HORMAD2: variants seen among roughly 807,000 people sequenced by gnomAD.
The protein encoded by HORMAD2 is HORMA domain-containing protein 2.
Under a neutral mutation model 38.8 loss-of-function variants are expected in HORMAD2, and 45 were observed. The observed-to-expected ratio is 1.16, with a 90% confidence interval of 0.91 to 1.49. The LOEUF (loss-of-function observed/expected upper bound fraction) is 1.49. Ranked by LOEUF, HORMAD2 falls within the 40% of genes most tolerant of loss-of-function variation. The pLI, the probability that HORMAD2 is intolerant of heterozygous loss-of-function variation, is 0.00. For synonymous variants in HORMAD2, 126 were observed against 122.8 expected, an observed-to-expected ratio of 1.03 and a Z score of -0.17; for missense variants, 338 against 367.0, an observed-to-expected ratio of 0.92 and a Z score of 0.65.
chr22:30,107,804 T>A (rs1186076977), intron 5 of HORMAD2, among the ~76,000 whole-genome samples: 2 of 151,938 alleles, frequency 1.3e-5, no homozygotes, highest in African/African-American at 4.8e-5. Flanking sequence ...CAGATTTGAG[T>A]ATCTAGAGAT....
intron 1 of HORMAD2, among the ~76,000 whole-genome samples, chr22:30,089,137 C>T (rs977643250): frequency 1.3e-5 from 2 of 152,110 alleles, no homozygotes; most frequent in African/African-American, 4.8e-5. Flanking sequence ...GCAGTGTTCG[C>T]AAATAATTCT....
Position 30,127,953 on chromosome 22 carries a change from C to A in HORMAD2, c.819+5739C>A, listed in dbSNP as rs11912304. Among the ~76,000 whole-genome samples, 417 of 152,226 alleles carry A rather than the reference C, an allele frequency of 2.7e-3. 7 individuals are homozygous for A. Among genetic ancestry groups the A allele is most frequent in the African/African-American group, 9.7e-3 (403 of 41,528 alleles). On this transcript the variant is annotated intron_variant, in intron 10 of 10. Transcript: ENST00000336726. ...GTATTTCTCAAATCTAGCGCTGTTA[C>A]CACTGTGCTGATTCAGGATGTCATC...
At chr22:30,148,430 A>T (rs1466994114) in intron 10 of HORMAD2, among the ~76,000 whole-genome samples, 1 of 152,098 alleles carries the variant, frequency 6.6e-6, no homozygotes, top group Non-Finnish European at 1.5e-5. Flanking sequence ...GGGTGATGAG[A>T]TGTTTTATAT....
At chr22:30,189,145 G>A in the HORMAD2 span, among the ~76,000 whole-genome samples, 1 of 151,992 alleles carries the variant, frequency 6.6e-6, no homozygotes, top group Non-Finnish European at 1.5e-5. Context: ...GAAAACTAAG[G>A]TCAAATCTCT....
chr22:30,185,138 G>A, the HORMAD2 span, among the ~76,000 whole-genome samples: 1 of 152,146 alleles, frequency 6.6e-6, no homozygotes, highest in Non-Finnish European at 1.5e-5. Flanking sequence ...TGATCCCTCT[G>A]CCTGGGCTCT....
At chr22:30,204,466 AG>A in the HORMAD2 span, among the ~76,000 whole-genome samples, 1 of 152,242 alleles carries the variant, frequency 6.6e-6, no homozygotes. Flanking sequence ...GAGCTCTTTC[AG>A]GCGGCTGCCC....
chr22:30,180,253 A>G (rs1446773955), downstream of HORMAD2, among the ~76,000 whole-genome samples: 1 of 152,088 alleles, frequency 6.6e-6, no homozygotes, highest in Non-Finnish European at 1.5e-5. Flanking sequence ...GGGTTTTTCC[A>G]TGGCAGGAGT....
chr22:30,125,221 T>C (rs1156459850), intron 10 of HORMAD2, among the ~76,000 whole-genome samples: 16 of 63,188 alleles, frequency 2.5e-4, no homozygotes, highest in South Asian at 1.7e-3. Context: ...CTTTTCTTTT[T>C]TTTTTTTTTT....
the HORMAD2 span, chr22:30,207,302 A>C: frequency 3.4e-6 from 1 of 292,012 alleles, no homozygotes; most frequent in Non-Finnish European, 7.0e-6. Context: ...CCTCCCACAC[A>C]TGTCCGCATT....
chr22:30,122,593 G>T lies in HORMAD2; in HGVS notation c.819+379G>T, dbSNP rs35527483. ...TCAGTTCTTGATACTGAGATAATTGGATGGGAGGAGTTGGGGAAGATAAAT... is the reference window on the plus strand; with the variant it reads ...TCAGTTCTTGATACTGAGATAATTGTATGGGAGGAGTTGGGGAAGATAAAT... On this transcript the variant is annotated intron_variant, in intron 10 of 10. Coordinates refer to ENST00000336726, the MANE Select transcript of HORMAD2 (RefSeq NM_152510.4). Among the ~76,000 whole-genome samples, 420 of 152,240 alleles carry T rather than the reference G, an allele frequency of 2.8e-3. 8 individuals carry two copies. Among genetic ancestry groups the T allele is most frequent in the African/African-American group, 9.8e-3 (406 of 41,530 alleles).
At chr22:30,192,620 A>T in the HORMAD2 span, among the ~76,000 whole-genome samples, 1 of 152,184 alleles carries the variant, frequency 6.6e-6, no homozygotes, top group East Asian at 1.9e-4. Context: ...GTTTTTTATA[A>T]GGTTACTAGA....
intron 10 of HORMAD2, chr22:30,137,310 C>A: frequency 1.9e-6 from 1 of 520,762 alleles, no homozygotes; most frequent in South Asian, 1.6e-5. Flanking sequence ...TTCCTTGAGT[C>A]CTGGCGATGA....
At chr22:30,084,501 T>A (rs981803226) in intron 1 of HORMAD2, among the ~76,000 whole-genome samples, 15 of 152,192 alleles carry the variant, frequency 9.9e-5, no homozygotes, top group African/African-American at 3.4e-4. Context: ...ATTCAAACCA[T>A]AGCAATGATA....
intron 1 of HORMAD2, among the ~76,000 whole-genome samples, chr22:30,093,263 C>G (rs1375576490): frequency 6.6e-6 from 1 of 152,080 alleles, no homozygotes; most frequent in South Asian, 2.1e-4. Flanking sequence ...TGAGATTTCT[C>G]TCTTGATTTC....
At chr22:30,150,348 C>G (rs771057767) in intron 10 of HORMAD2, among the ~76,000 whole-genome samples, 1 of 152,122 alleles carries the variant, frequency 6.6e-6, no homozygotes, top group Non-Finnish European at 1.5e-5. Context: ...TTGTTGTTCT[C>G]TGAACTTCCC....
At chr22:30,184,087 G>A in the HORMAD2 span, among the ~76,000 whole-genome samples, 2 of 152,178 alleles carry the variant, frequency 1.3e-5, no homozygotes, top group African/African-American at 2.4e-5. Context: ...CAAGGAATGC[G>A]GTTAAATCCT....
chr22:30,117,493 A>C (rs1922130118), intron 7 of HORMAD2, among the ~76,000 whole-genome samples: 1 of 150,568 alleles, frequency 6.6e-6, no homozygotes, highest in South Asian at 2.1e-4. Context: ...AGTTTATTTT[A>C]TTATTTCTTT....
chr22:30,175,287 TAGA>T (rs2123748250), intron 10 of HORMAD2, among the ~76,000 whole-genome samples: 1 of 140,496 alleles, frequency 7.1e-6, no homozygotes, highest in African/African-American at 2.7e-5. Flanking sequence ...TAATATAATA[TAGA>T]ATATATATAA....
intron 1 of HORMAD2, among the ~76,000 whole-genome samples, chr22:30,093,223 C>G (rs1305602046): frequency 6.6e-6 from 1 of 151,950 alleles, no homozygotes; most frequent in Non-Finnish European, 1.5e-5. Flanking sequence ...AAATTTATTC[C>G]TAGCTAATTT....
Sources: gnomAD v4.1 joint callset for allele counts (sites outside exome capture counted in the v4.1 genomes callset) on GRCh38, gnomAD v4.1.1 for gene constraint, MANE v1.5 for transcripts, NCBI Gene and HGNC (gene_info 2026-07-23, HGNC 2026-07-21) for gene names.